The following IQCM variants were observed in gnomAD, a reference collection of about 807,000 sequenced individuals.
IQCM encodes the protein IQ domain-containing protein M.
In IQCM, 45 loss-of-function variants were observed where a neutral mutation model predicts 57.6. That is an observed-to-expected ratio of 0.78 (90% CI 0.62 to 1.00). The LOEUF is 1.00. Ranked by LOEUF, IQCM falls within the 50% of genes least tolerant of loss-of-function variation. The pLI is 0.00. For missense variants in IQCM, 468 were observed against 511.6 expected, an observed-to-expected ratio of 0.91 and a Z score of 0.82; for synonymous variants, 148 against 158.9, an observed-to-expected ratio of 0.93 and a Z score of 0.51.
chr4:149,599,003 CAT>C (rs34124837), intron 8 of IQCM, among the ~76,000 whole-genome samples: 12 of 151,202 alleles, frequency 7.9e-5, no homozygotes, highest in Non-Finnish European at 1.5e-5. Flanking sequence ...GACTGGATGG[CAT>C]ATATATATAT....
chr4:149,410,206 C>T (rs1733278091), intron 13 of IQCM, among the ~76,000 whole-genome samples: 1 of 151,736 alleles, frequency 6.6e-6, no homozygotes, highest in Admixed American at 6.6e-5. Flanking sequence ...AACAAACAAA[C>T]AAACAAAAAA....
chr4:149,454,613 A>G (rs1376829777), intron 12 of IQCM, among the ~76,000 whole-genome samples: 3 of 152,044 alleles, frequency 2.0e-5, no homozygotes, highest in Non-Finnish European at 2.9e-5. Context: ...CTCTGAAACT[A>G]AAATAAAAGG....
At chr4:149,448,081 C>G (rs1015513404) in intron 12 of IQCM, among the ~76,000 whole-genome samples, 1 of 151,574 alleles carries the variant, frequency 6.6e-6, no homozygotes, top group Non-Finnish European at 1.5e-5. Flanking sequence ...TACACATTCT[C>G]GTCAATTGTA....
intron 8 of IQCM, among the ~76,000 whole-genome samples, chr4:149,611,336 T>A (rs1391869611): frequency 6.6e-6 from 1 of 152,144 alleles, no homozygotes; most frequent in Non-Finnish European, 1.5e-5. Context: ...CTGCTGGGTA[T>A]ATATCCAAAG....
At chr4:149,363,630 T>C (rs1173807519) in intron 13 of IQCM, among the ~76,000 whole-genome samples, 1 of 152,182 alleles carries the variant, frequency 6.6e-6, no homozygotes, top group Non-Finnish European at 1.5e-5. Context: ...AATGGTTTCC[T>C]AAAGGGTGAC....
At chr4:149,482,827 A>C (rs929092217) in intron 12 of IQCM, among the ~76,000 whole-genome samples, 3 of 151,086 alleles carry the variant, frequency 2.0e-5, no homozygotes, top group African/African-American at 7.3e-5. Flanking sequence ...CTTATTTTTC[A>C]TAACAGTTTG....
chr4:149,732,196 T>C (rs1478226891), intron 5 of IQCM, among the ~76,000 whole-genome samples: 1 of 152,172 alleles, frequency 6.6e-6, no homozygotes, highest in African/African-American at 2.4e-5. Flanking sequence ...TCTACTATTA[T>C]ATTCCCTTCA....
chr4:149,695,316 C>T (rs948170492), intron 5 of IQCM, among the ~76,000 whole-genome samples: 45 of 152,208 alleles, frequency 3.0e-4, no homozygotes, highest in Admixed American at 8.5e-4. Flanking sequence ...ATGAAGTTAA[C>T]ATTCTTAGGA....
intron 2 of IQCM, among the ~76,000 whole-genome samples, chr4:149,768,804 G>A (rs576458502): frequency 9.2e-5 from 14 of 152,118 alleles, no homozygotes; most frequent in African/African-American, 2.4e-4. Flanking sequence ...ATGTGAATCC[G>A]CTGTCATATT....
At chr4:149,519,240 C>T (rs1388059208) in intron 12 of IQCM, among the ~76,000 whole-genome samples, 4 of 151,898 alleles carry the variant, frequency 2.6e-5, no homozygotes, top group Non-Finnish European at 5.9e-5. Context: ...TTGACTGTAC[C>T]ATTTTGAATC....
intron 2 of IQCM, among the ~76,000 whole-genome samples, chr4:149,798,731 A>AC (rs1293146596): frequency 6.6e-6 from 1 of 152,014 alleles, no homozygotes; most frequent in East Asian, 1.9e-4. Flanking sequence ...TCAAGACAAA[A>AC]CCATAAGAGA....
At chr4:149,601,810 G>C (rs1754321118) in intron 8 of IQCM, among the ~76,000 whole-genome samples, 1 of 152,006 alleles carries the variant, frequency 6.6e-6, no homozygotes, top group African/African-American at 2.4e-5. Context: ...TGTAATCCCA[G>C]CACTTTGAGA....
At chr4:149,669,865 T>A (rs1171199820) in intron 7 of IQCM, among the ~76,000 whole-genome samples, 1 of 152,188 alleles carries the variant, frequency 6.6e-6, no homozygotes, top group Non-Finnish European at 1.5e-5. Context: ...CACCATGCTG[T>A]TTTGGTTACT....
rs191245540 is a variant in IQCM at position 149,589,490 on chromosome 4, T to A, written c.682-1493A>T. On this transcript the variant is annotated intron_variant, in intron 8 of 13. Transcript: ENST00000636793. ...GTTTATCCTGCAAAAATACTCAGCA[T>A]TGACATACACTGATTTCTAAAACAT... Among the ~76,000 whole-genome samples, 142 of 152,140 alleles carry A rather than the reference T, an allele frequency of 9.3e-4. 1 individual carries two copies. Among genetic ancestry groups the A allele is most frequent in the African/African-American group, 3.3e-3 (138 of 41,548 alleles).
At chr4:149,478,381 C>A (rs75501400) in intron 12 of IQCM, among the ~76,000 whole-genome samples, 2 of 152,228 alleles carry the variant, frequency 1.3e-5, no homozygotes, top group Non-Finnish European at 2.9e-5. Flanking sequence ...AAGTCTGGGC[C>A]TATTCTCCAG....
At chr4:149,549,072 A>G (rs1748748644) in intron 11 of IQCM, among the ~76,000 whole-genome samples, 1 of 152,112 alleles carries the variant, frequency 6.6e-6, no homozygotes, top group South Asian at 2.1e-4. Context: ...AGCAATGTCT[A>G]CTTTTTGCTC....
chr4:149,567,085 G>A (rs1262896093), intron 9 of IQCM, among the ~76,000 whole-genome samples: 1 of 152,084 alleles, frequency 6.6e-6, no homozygotes, highest in Non-Finnish European at 1.5e-5. Context: ...ACCATTCTGT[G>A]CCTTCAATAT....
chr4:149,583,501 AT>A lies in IQCM; in HGVS notation c.749+4428del, dbSNP rs571962535. ...CAGTCAAGCATTTTTAAAAACAATTATGAGCTTTCGAAGTTCAACAAAAGGA... is the reference window on the plus strand; with the variant it reads ...CAGTCAAGCATTTTTAAAAACAATTAGAGCTTTCGAAGTTCAACAAAAGGA... On this transcript the variant is annotated intron_variant, in intron 9 of 13. Transcript: ENST00000636793. Among the ~76,000 whole-genome samples, 234 of 151,682 alleles carry A rather than the reference AT, an allele frequency of 1.5e-3. 1 individual carries two copies. The highest frequency in any genetic ancestry group is 5.5e-3 in the African/African-American group (227 of 41,496).
intron 13 of IQCM, among the ~76,000 whole-genome samples, chr4:149,421,639 A>G (rs1355970678): frequency 1.3e-5 from 2 of 151,918 alleles, no homozygotes; most frequent in Non-Finnish European, 2.9e-5. Flanking sequence ...TTTTGTATTC[A>G]TCATTCACTA....
Sources: allele counts gnomAD v4.1 joint callset (sites outside exome capture counted in the v4.1 genomes callset), GRCh38; gene constraint gnomAD v4.1.1; transcripts MANE v1.5; gene names NCBI Gene and HGNC (gene_info 2026-07-23, HGNC 2026-07-21).